RASGRP3: variants seen among roughly 807,000 people sequenced by gnomAD.
RASGRP3 encodes the protein RAS guanyl releasing protein 3.
A neutral mutation model predicts 82.7 loss-of-function variants in RASGRP3; 54 were observed. That is an observed-to-expected ratio of 0.65 (90% CI 0.52 to 0.82). The LOEUF (loss-of-function observed/expected upper bound fraction) is 0.82. RASGRP3 is among the 40% of genes least tolerant of loss of function. The pLI, the probability that RASGRP3 is intolerant of heterozygous loss-of-function variation, is 0.00. For synonymous variants in RASGRP3, 309 were observed against 300.5 expected (o/e 1.03, Z -0.29); for missense variants, 861 against 828.9 (o/e 1.04, Z -0.48).
chr2:33,554,691 T>C (rs779462835), intron 14 of RASGRP3, among the ~76,000 whole-genome samples: 1 of 152,096 alleles, frequency 6.6e-6, no homozygotes, highest in East Asian at 1.9e-4. Flanking sequence ...GCCAGGATGG[T>C]CTCGATCTCC....
At chr2:33,537,330 C>CACCCACA (rs149899270) in intron 11 of RASGRP3, among the ~76,000 whole-genome samples, 1 of 95,690 alleles carries the variant, frequency 1.0e-5, no homozygotes, top group African/African-American at 4.6e-5. Flanking sequence ...ACCGCCCCCC[C>CACCCACA]CACACACACA....
intron 1 of RASGRP3, among the ~76,000 whole-genome samples, chr2:33,507,337 G>T (rs1328105544): frequency 6.6e-6 from 1 of 152,150 alleles, no homozygotes; most frequent in Non-Finnish European, 1.5e-5. Flanking sequence ...AGAGGTTGAA[G>T]TGAGCCAAGA....
Position 33,527,393 on chromosome 2 carries a change from A to G in RASGRP3, c.1064A>G (p.Asp355Gly). The G allele has an allele frequency of 6.2e-7, 1 of 1,613,464 alleles. No homozygotes were observed. Among genetic ancestry groups the G allele is most frequent in the East Asian group, 2.2e-5 (1 of 44,866 alleles). Residue 355 changes from aspartate (D) to glycine (G), a missense_variant, in exon 10 of 18, where the codon GAT (aspartate) becomes GGT (glycine). Transcript: ENST00000403687. ...TCTCACCACTTAGAACCCAACATGGATTTGATCAACCTGCTCACGGTGAGT... is the reference window on the plus strand; with the variant it reads ...TCTCACCACTTAGAACCCAACATGGGTTTGATCAACCTGCTCACGGTGAGT... ...NASHHLEPNM[D>G]LINLLTLSLD...
chr2:33,560,932 T>C (rs988884803), intron 17 of RASGRP3, among the ~76,000 whole-genome samples: 2 of 152,218 alleles, frequency 1.3e-5, no homozygotes, highest in Admixed American at 1.3e-4. Flanking sequence ...AGGTAAGATA[T>C]CCTGATCATT....
chr2:33,457,496 A>G (rs537534040), intron 2 of RASGRP3, among the ~76,000 whole-genome samples: 2 of 152,164 alleles, frequency 1.3e-5, no homozygotes, highest in African/African-American at 4.8e-5. Flanking sequence ...TCATGGCTAC[A>G]TGATGTATAC....
intron 1 of RASGRP3, among the ~76,000 whole-genome samples, chr2:33,492,654 G>A (rs547155489): frequency 5.3e-5 from 8 of 152,192 alleles, no homozygotes; most frequent in African/African-American, 1.9e-4. Flanking sequence ...CAGGAAGAAG[G>A]TGGCCATCTG....
intron 12 of RASGRP3, among the ~76,000 whole-genome samples, chr2:33,541,344 T>C (rs1015943198): frequency 2.2e-4 from 32 of 147,170 alleles, no homozygotes; most frequent in African/African-American, 7.3e-4. Context: ...TCTCTACATA[T>C]GTATAAACAC....
chr2:33,526,556 A>G (rs933250572), intron 9 of RASGRP3, among the ~76,000 whole-genome samples: 1 of 152,224 alleles, frequency 6.6e-6, no homozygotes, highest in African/African-American at 2.4e-5. Context: ...AAGTTTATAG[A>G]GGCTTGGAGA....
intron 15 of RASGRP3, among the ~76,000 whole-genome samples, chr2:33,556,741 C>A (rs560926291): frequency 6.6e-6 from 1 of 152,148 alleles, no homozygotes; most frequent in Admixed American, 6.5e-5. Context: ...CTGTTTAGTG[C>A]TCAGAGGGAC....
chr2:33,469,503 C>G (rs1469179970), intron 2 of RASGRP3, among the ~76,000 whole-genome samples: 4 of 151,304 alleles, frequency 2.6e-5, no homozygotes, highest in Non-Finnish European at 5.9e-5. Flanking sequence ...TTCTGTTACC[C>G]AGGCTGAGTG....
At chr2:33,516,429 C>G in intron 3 of RASGRP3, 113 bp from the exon 4 acceptor site, 1 of 658,850 alleles carries the variant, frequency 1.5e-6, no homozygotes, top group East Asian at 2.9e-5. Flanking sequence ...AATAAAAGAT[C>G]ATTTGTCTAT....
At chr2:33,519,555 C>G (rs1040458719) in intron 4 of RASGRP3, among the ~76,000 whole-genome samples, 4 of 152,090 alleles carry the variant, frequency 2.6e-5, no homozygotes, top group African/African-American at 9.7e-5. Context: ...TGCAGTGAAC[C>G]GAGATCGTGC....
chr2:33,468,560 C>A (rs1666859889), intron 2 of RASGRP3, among the ~76,000 whole-genome samples: 1 of 152,080 alleles, frequency 6.6e-6, no homozygotes, highest in Non-Finnish European at 1.5e-5. Context: ...CACCACCATG[C>A]CGGGATAATT....
chr2:33,474,077 G>A (rs907289433), upstream of RASGRP3, among the ~76,000 whole-genome samples: 1 of 152,116 alleles, frequency 6.6e-6, no homozygotes, highest in African/African-American at 2.4e-5. Context: ...CTTGACTGCT[G>A]CTCACCTCCT....
At chr2:33,454,553 A>G (rs1480141284) in intron 2 of RASGRP3, among the ~76,000 whole-genome samples, 2 of 152,246 alleles carry the variant, frequency 1.3e-5, no homozygotes, top group Non-Finnish European at 2.9e-5. Flanking sequence ...AGACGGGCTT[A>G]ACACACACAT....
chr2:33,521,239 A>T (rs1025716882), intron 6 of RASGRP3, among the ~76,000 whole-genome samples: 1 of 152,218 alleles, frequency 6.6e-6, no homozygotes, highest in African/African-American at 2.4e-5. Flanking sequence ...ATGTGCCAGG[A>T]GCTGGTTAGC....
chr2:33,527,331 C>T lies in RASGRP3; in HGVS notation c.1002C>T (p.Ser334=), dbSNP rs777735906. 4 of 1,613,836 alleles carry T rather than the reference C, an allele frequency of 2.5e-6. No homozygotes were observed. The highest frequency in any genetic ancestry group is 2.5e-6 in the Non-Finnish European group (3 of 1,179,722). The change falls in exon 10 of 18, where the codon TCC becomes TCT. Residue 334 remains serine, a synonymous_variant. Transcript: ENST00000403687. ...KVNIVKMHQL[S]VTLSELVSLQ... is the part of the protein sequence containing the mutation. ...ACATTGTGAAAATGCACCAGCTCTCCGTTACCCTGAGTGAACTAGTCTCCC... is the reference window on the plus strand; with the variant it reads ...ACATTGTGAAAATGCACCAGCTCTCTGTTACCCTGAGTGAACTAGTCTCCC...
At position 33,521,937 on chromosome 2, in the gene RASGRP3, C is replaced by T. The variant is rs758063668; in HGVS notation, c.369-18C>T. 1 of 1,599,276 alleles carries T rather than the reference C, an allele frequency of 6.3e-7. No homozygotes were observed. The highest frequency in any genetic ancestry group is 8.5e-7 in the Non-Finnish European group (1 of 1,175,370). On this transcript the variant is annotated intron_variant, in intron 6 of 17. Coordinates refer to ENST00000403687, the MANE Select transcript of RASGRP3 (RefSeq NM_001139488.2). ...ATGGGCTTTCAACACATTGACCGGA[C>T]TCACTCTTCTTTTATAGTCCTTCCT...
chr2:33,465,855 C>A (rs1224477508), intron 2 of RASGRP3, among the ~76,000 whole-genome samples: 1 of 151,836 alleles, frequency 6.6e-6, no homozygotes, highest in African/African-American at 2.4e-5. Flanking sequence ...AAGAATCATG[C>A]TAAATCTATT....
Sources: allele counts gnomAD v4.1 joint callset (sites outside exome capture counted in the v4.1 genomes callset), GRCh38; gene constraint gnomAD v4.1.1; transcripts MANE v1.5; gene names NCBI Gene and HGNC (gene_info 2026-07-23, HGNC 2026-07-21).